Variants in SCAP observed in about 807,000 individuals in gnomAD.
SCAP encodes SREBF chaperone.
Under a neutral mutation model 123.6 loss-of-function variants are expected in SCAP, and 65 were observed. The ratio of observed to expected loss-of-function variants is 0.53; its 90% CI spans 0.43 to 0.65. The LOEUF is 0.65. SCAP is among the 30% of genes least tolerant of loss of function. The pLI is 0.00. For synonymous variants in SCAP, 740 were observed against 726.3 expected, an observed-to-expected ratio of 1.02 and a Z score of -0.30; for missense variants, 1,398 against 1,712.5, an observed-to-expected ratio of 0.82 and a Z score of 3.24.
chr3:47,417,947 G>A, intron 16 of SCAP, 121 bp from the exon 17 acceptor site: 1 of 442,646 alleles, frequency 2.3e-6, no homozygotes, highest in South Asian at 2.0e-5. Context: ...GGTGGGGGGA[G>A]AGGGTGGTGC....
chr3:47,424,190 C>T lies in SCAP; in HGVS notation c.1038-145G>A. ...GTGCTGGGCAGAAACCCTCCCTTGTCCACCTCACCCAACAAGACCTGCATC... is the reference window on the plus strand; with the variant it reads ...GTGCTGGGCAGAAACCCTCCCTTGTTCACCTCACCCAACAAGACCTGCATC... On this transcript the variant is annotated intron_variant, in intron 8 of 22. Coordinates refer to ENST00000265565, the MANE Select transcript of SCAP (RefSeq NM_012235.4). 4.7e-6 allele frequency: 3 copies of T among 634,528 alleles called. No individual in the cohort carries two copies. The Admixed American group carries it at 7.0e-5, about 15-fold the overall frequency. 39.3% of individuals were successfully genotyped at this position (634,528 alleles called of 1,614,324 possible).
intron 1 of SCAP, among the ~76,000 whole-genome samples, chr3:47,458,527 A>G (rs1707513712): frequency 6.6e-6 from 1 of 152,234 alleles, no homozygotes; most frequent in Non-Finnish European, 1.5e-5. Flanking sequence ...AAAAACACAC[A>G]TATTCAAGAA....
chr3:47,463,177 G>C (rs148798865), intron 1 of SCAP, among the ~76,000 whole-genome samples: 1 of 152,006 alleles, frequency 6.6e-6, no homozygotes, highest in African/African-American at 2.4e-5. Context: ...TTATTCCTCC[G>C]GCGGAAAGTT....
chr3:47,441,125 C>T lies in SCAP; in HGVS notation c.122+1747G>A, dbSNP rs145375232. Among the ~76,000 whole-genome samples the T allele has an allele frequency of 4.7e-3, 716 of 152,156 alleles. 8 individuals are homozygous for T. The highest frequency in any genetic ancestry group is 0.017 in the African/African-American group (691 of 41,524). On this transcript the variant is annotated intron_variant, in intron 2 of 22. Coordinates refer to ENST00000265565, the MANE Select transcript of SCAP (RefSeq NM_012235.4). ...CCATGTTGGCCAGGATGGTCTCGAT[C>T]GCCTGACCTCGTGATCTGCCCGCCT...
rs1164798708 is a variant in SCAP at position 47,450,408 on chromosome 3, A to C, written c.-98-7317T>G. Reference sequence around the variant, plus strand: ...TACAAAAAGCACACATTACTTTTACAATTTGAAAAAATAAAAATTATATAC... The same window carrying C: ...TACAAAAAGCACACATTACTTTTACCATTTGAAAAAATAAAAATTATATAC... On this transcript the variant is annotated intron_variant, in intron 1 of 22. Coordinates refer to ENST00000265565, the MANE Select transcript of SCAP (RefSeq NM_012235.4). 1.6e-5 allele frequency among the ~76,000 whole-genome samples: 2 copies of C among 125,890 alleles called. 1 individual carries two copies. Among genetic ancestry groups the C allele is most frequent in the African/African-American group, 5.4e-5 (2 of 36,876 alleles). The allele number at this position is 125,890 out of a possible 152,430, so 82.6% of individuals were successfully genotyped here. A position where few individuals can be genotyped will look rare whatever the true frequency, so the allele number is the denominator to read the frequency against.
intron 1 of SCAP, among the ~76,000 whole-genome samples, chr3:47,450,073 C>T (rs1249918957): frequency 8.0e-6 from 1 of 125,478 alleles, no homozygotes; most frequent in East Asian, 2.8e-4. Context: ...TCTCGGCTCA[C>T]CGCAACCTCC....
Position 47,426,068 on chromosome 3 carries a change from A to G in SCAP, c.839T>C (p.Ile280Thr). 6.2e-7 allele frequency: 1 copy of G among 1,614,138 alleles called. No homozygotes were observed. The change falls in exon 7 of 23, where the codon ATT (isoleucine) becomes ACT (threonine). Residue 280 changes from isoleucine (I) to threonine (T), a missense_variant. By Grantham distance (89) the Ile-to-Thr change is moderately conservative. Around this residue, in one of 7 missense-constraint regions of SCAP, gnomAD observed 319 missense variants for 432.4 expected, o/e 0.74. Transcript: ENST00000265565. ...AAGGGGGATGAGCTCAGCGACACCA[A>G]TCTCCTCCTTGAAGTGCACGTGGAC... Reference protein sequence around the residue: ...SLVHVHFKEEIGVAELIPLVT... With the variant: ...SLVHVHFKEETGVAELIPLVT...
At chr3:47,415,312 G>T in intron 18 of SCAP, 132 bp from the exon 19 acceptor site, 1 of 733,618 alleles carries the variant, frequency 1.4e-6, no homozygotes, top group Non-Finnish European at 2.1e-6. Flanking sequence ...AAAGCACATG[G>T]TGCCAGAACA....
chr3:47,460,721 C>A (rs1223402610), intron 1 of SCAP, among the ~76,000 whole-genome samples: 1 of 152,074 alleles, frequency 6.6e-6, no homozygotes, highest in Non-Finnish European at 1.5e-5. Context: ...CTGTGCCCAG[C>A]TAATTTTCTT....
At chr3:47,414,436 T>G in intron 21 of SCAP, 50 bp from the exon 22 acceptor site, 2 of 1,606,232 alleles carry the variant, frequency 1.2e-6, no homozygotes, top group Non-Finnish European at 1.7e-6. Flanking sequence ...AATACCTCTG[T>G]CAACAGTGGT....
intron 1 of SCAP, among the ~76,000 whole-genome samples, chr3:47,458,118 T>A (rs1235005552): frequency 6.6e-6 from 1 of 151,622 alleles, no homozygotes; most frequent in Admixed American, 6.6e-5. Flanking sequence ...TGAAACCCCG[T>A]CTCTACTAAA....
At position 47,419,899 on chromosome 3, in the gene SCAP, G is replaced by A. The variant is rs1009427662; in HGVS notation, c.1564-195C>T. Among the ~76,000 whole-genome samples the A allele has an allele frequency of 1.3e-5, 2 of 152,186 alleles. No individual in the cohort carries two copies. Among genetic ancestry groups the A allele is most frequent in the African/African-American group, 2.4e-5 (1 of 41,446 alleles). ...CCTGCCAACACTTGCTGCTGGAGGG[G>A]CCTGCTTGCCTTTCCACAGTTAGGG... is the stretch of plus-strand genomic sequence containing the variant. On this transcript the variant is annotated intron_variant, in intron 12 of 22. Transcript: ENST00000265565. The surrounding 1 kb of genome is among the most constrained non-coding windows in gnomAD (Gnocchi z 5.0).
chr3:47,455,096 A>G lies in SCAP; in HGVS notation c.-98-12005T>C, dbSNP rs999763067. On this transcript the variant is annotated intron_variant, in intron 1 of 22. Coordinates refer to ENST00000265565, the MANE Select transcript of SCAP (RefSeq NM_012235.4). ...ATATATATATATATATATATATATA[A>G]TCAACTGAAAACCTTTTACAGTTGA... Among the ~76,000 whole-genome samples, 4 of 141,100 alleles carry G rather than the reference A, an allele frequency of 2.8e-5. No homozygotes were observed. The Admixed American group carries it at 3.0e-4, about 10-fold the overall frequency. The allele number at this position is 141,100 out of a possible 152,430, so 92.6% of individuals were successfully genotyped here.
rs148094871 is a variant in SCAP at position 47,444,022 on chromosome 3, C to CT, written c.-98-932dup. On this transcript the variant is annotated intron_variant, in intron 1 of 22. Transcript: ENST00000265565. The stretch of plus-strand genomic sequence containing the variant: ...TCCTTTCTGAGGACTGGCTCATCAA[C>CT]TTTTTTTTCCGTTTTGTAAGCTATT... Among the ~76,000 whole-genome samples the CT allele has an allele frequency of 2.9e-3, 436 of 152,188 alleles. 2 individuals are homozygous for CT. The highest frequency in any genetic ancestry group is 9.8e-3 in the African/African-American group (409 of 41,534).
chr3:47,414,575 G>T lies in SCAP; in HGVS notation c.3384C>A (p.Asp1128Glu). The T allele has an allele frequency of 6.2e-7, 1 of 1,613,470 alleles. No individual in the cohort carries two copies. The highest frequency in any genetic ancestry group is 8.5e-7 in the Non-Finnish European group (1 of 1,180,010). ...ACCCCACCTGCAGGCCGCTTACCTG[G>T]TCAATGTACACGGTCGTGATGGCCC... Reference protein sequence around the residue: ...HSGAITTVYIDQTMVLASGGQ... With the variant: ...HSGAITTVYIEQTMVLASGGQ... The change falls in exon 21 of 23, where the codon GAC (aspartate) becomes GAA (glutamate). Residue 1128 changes from aspartate to glutamate, a missense_variant. Asp to Glu is a conservative substitution (Grantham distance 45). Around this residue, in one of 7 missense-constraint regions of SCAP, gnomAD observed 44 missense variants for 64.4 expected, o/e 0.68. Transcript: ENST00000265565.
intron 3 of SCAP, among the ~76,000 whole-genome samples, chr3:47,432,313 TGA>T (rs1491465716): frequency 2.3e-4 from 7 of 30,100 alleles, no homozygotes; most frequent in Non-Finnish European, 1.7e-4. Flanking sequence ...GACTCCGTCT[TGA>T]AAAAAAAAAA....
At position 47,424,049 on chromosome 3, in the gene SCAP, G is replaced by A. The variant is rs758881747; in HGVS notation, c.1038-4C>T. On this transcript the variant is annotated splice_polypyrimidine_tract_variant and splice_region_variant and intron_variant, in intron 8 of 22. Coordinates refer to ENST00000265565, the MANE Select transcript of SCAP (RefSeq NM_012235.4). ...CACAAGGTAGGGGAAAATCTCGCTG[G>A]GGACAGAGAAGGAGAAGGTGAGGAC... 4 of 1,608,084 alleles carry A rather than the reference G, an allele frequency of 2.5e-6. No homozygotes were observed. Among genetic ancestry groups the A allele is most frequent in the Non-Finnish European group, 3.4e-6 (4 of 1,174,644 alleles).
intron 1 of SCAP, among the ~76,000 whole-genome samples, chr3:47,453,490 T>C (rs1707297959): frequency 2.0e-5 from 3 of 152,206 alleles, no homozygotes; most frequent in Admixed American, 6.6e-5. Context: ...TCTTTGCTTA[T>C]TATACAGGTA....
intron 1 of SCAP, among the ~76,000 whole-genome samples, chr3:47,445,243 C>CTTTTT (rs970206797): frequency 8.9e-5 from 10 of 111,828 alleles, no homozygotes; most frequent in South Asian, 2.9e-4. Context: ...GTTTTCAATT[C>CTTTTT]TTTTTTTTTT....
Sources: allele counts gnomAD v4.1 joint callset (sites outside exome capture counted in the v4.1 genomes callset), GRCh38; gene constraint gnomAD v4.1.1; regional missense constraint gnomAD v4.1.1; non-coding constraint Gnocchi (gnomAD v3.1); transcripts MANE v1.5; gene names NCBI Gene and HGNC (gene_info 2026-07-23, HGNC 2026-07-21).